The following NFATC2 variants were observed in gnomAD, a reference collection of about 807,000 sequenced individuals.
NFATC2 encodes nuclear factor of activated T-cells, cytoplasmic 2.
Under a neutral mutation model 87.3 loss-of-function variants are expected in NFATC2, and 22 were observed. The observed-to-expected ratio is 0.25, with a 90% CI of 0.18 to 0.36. The LOEUF (loss-of-function observed/expected upper bound fraction) is 0.36. Among genes scored for constraint, NFATC2 ranks in the 10% least tolerant of loss-of-function variants. NFATC2 has a pLI of 1.00. For missense variants in NFATC2, 1,149 were observed against 1,259.1 expected, an observed-to-expected ratio of 0.91 and a Z score of 1.32; for synonymous variants, 565 against 542.2, an observed-to-expected ratio of 1.04 and a Z score of -0.58.
chr20:51,398,966 G>A (rs1354401946), intron 9 of NFATC2: 2 of 463,590 alleles, frequency 4.3e-6, no homozygotes, highest in East Asian at 3.4e-5. Context: ...ATTATGTGGG[G>A]TGTGGGATCA....
chr20:51,536,407 T>A (rs6091335), intron 1 of NFATC2, among the ~76,000 whole-genome samples: 1 of 152,134 alleles, frequency 6.6e-6, no homozygotes, highest in Non-Finnish European at 1.5e-5. Flanking sequence ...TCAGCAAAGT[T>A]ACCTTACCCC....
chr20:51,461,734 G>A (rs899219283), intron 5 of NFATC2, among the ~76,000 whole-genome samples: 4 of 152,220 alleles, frequency 2.6e-5, no homozygotes, highest in East Asian at 3.9e-4. Context: ...CCGTCAAGCC[G>A]GGTGGCCAAG....
chr20:51,407,997 C>CA (rs1212109120), intron 9 of NFATC2, among the ~76,000 whole-genome samples: 3 of 152,168 alleles, frequency 2.0e-5, no homozygotes, highest in Non-Finnish European at 4.4e-5. Context: ...GCCAGCCTTC[C>CA]AACCAAAGTC....
At chr20:51,542,218 C>T (rs2076830429) in intron 1 of NFATC2, 152 bp downstream of exon 1, 2 of 948,006 alleles carry the variant, frequency 2.1e-6, no homozygotes, top group South Asian at 4.4e-5. Flanking sequence ...GGGCCACTGA[C>T]GCCTCCCCTC....
intron 7 of NFATC2, 35 bp downstream of exon 7, chr20:51,435,671 G>A: frequency 6.3e-7 from 1 of 1,595,806 alleles, no homozygotes; most frequent in Admixed American, 1.7e-5. Context: ...AACGTGAGGG[G>A]GATTGAGAGA....
intron 6 of NFATC2, among the ~76,000 whole-genome samples, chr20:51,437,582 C>T (rs1303586238): frequency 1.3e-5 from 2 of 152,094 alleles, no homozygotes; most frequent in Non-Finnish European, 2.9e-5. Context: ...CCCACCTCCC[C>T]CATGAAAAAT....
rs1302330634 is a variant in NFATC2, at chr20:51,391,362, A to C, written c.*134T>G. ...GGGCTGTGGAGGGCTCCGAGGGGTC[A>C]GATACAGAAGGTGTCTTGCTATAAT... On this transcript the variant is annotated 3_prime_UTR_variant, in exon 11 of 11. Coordinates refer to ENST00000371564, the MANE Select transcript of NFATC2 (RefSeq NM_012340.5). 6.3e-7 allele frequency: 1 copy of C among 1,585,326 alleles called. No homozygotes were observed. Among genetic ancestry groups the C allele is most frequent in the East Asian group, 2.3e-5 (1 of 42,996 alleles).
intron 3 of NFATC2, among the ~76,000 whole-genome samples, chr20:51,483,048 G>A (rs1053531516): frequency 1.3e-5 from 2 of 152,126 alleles, no homozygotes; most frequent in African/African-American, 2.4e-5. Context: ...CTCTACATTT[G>A]GCCCCCTGGT....
At chr20:51,434,236 G>A (rs1983226440) in intron 8 of NFATC2, among the ~76,000 whole-genome samples, 1 of 148,270 alleles carries the variant, frequency 6.7e-6, no homozygotes, top group African/African-American at 2.5e-5. Flanking sequence ...GGCTGCCAGG[G>A]CAGTCAAGCT....
chr20:51,406,558 G>A (rs752013873), intron 9 of NFATC2, among the ~76,000 whole-genome samples: 5 of 152,338 alleles, frequency 3.3e-5, no homozygotes, highest in East Asian at 1.9e-4. Flanking sequence ...CCTGGGCTGC[G>A]CAGAGGAATG....
intron 9 of NFATC2, among the ~76,000 whole-genome samples, chr20:51,411,817 C>T (rs890504092): frequency 2.6e-5 from 4 of 152,114 alleles, no homozygotes; most frequent in African/African-American, 9.6e-5. Flanking sequence ...TGTGAGCCAC[C>T]GCGCCTGGCC....
chr20:51,460,985 T>G (rs1361649512), intron 5 of NFATC2, among the ~76,000 whole-genome samples: 1 of 152,206 alleles, frequency 6.6e-6, no homozygotes, highest in Non-Finnish European at 1.5e-5. Flanking sequence ...TCACGCACGT[T>G]TGCTTAAGAG....
intron 3 of NFATC2, among the ~76,000 whole-genome samples, chr20:51,495,948 T>G (rs1229313060): frequency 6.6e-6 from 1 of 152,196 alleles, no homozygotes; most frequent in East Asian, 1.9e-4. Context: ...GTCGGGAGCA[T>G]CTTTTTTATA....
chr20:51,412,547 C>T (rs184753183), intron 9 of NFATC2, among the ~76,000 whole-genome samples: 76 of 152,286 alleles, frequency 5.0e-4, no homozygotes, highest in African/African-American at 1.8e-3. Flanking sequence ...CTGTTTTCCA[C>T]CCCCAGAAAC....
Position 51,432,655 on chromosome 20 carries a change from G to A in NFATC2, c.2134C>T (p.Pro712Ser). 6.5e-7 allele frequency: 1 copy of A among 1,548,936 alleles called. No individual in the cohort carries two copies. ...LGSQPYYPQH[P>S]MVAESPSCLV... ...CAGGAGGGGGACTCGGCCACCATCG[G>A]GTGCTGGGGGTAGTAAGGCTGGCTC... The change falls in exon 9 of 11, where the codon CCG becomes TCG. Residue 712 changes from proline to serine, a missense_variant. Around this residue, in one of 3 missense-constraint regions of NFATC2, gnomAD observed 581 missense variants for 649.7 expected, o/e 0.89. Transcript: ENST00000371564. The surrounding 1 kb of genome is among the most constrained non-coding windows in gnomAD (Gnocchi z 4.6).
chr20:51,468,585 G>A (rs1222935310), intron 5 of NFATC2, among the ~76,000 whole-genome samples: 1 of 152,206 alleles, frequency 6.6e-6, no homozygotes, highest in Non-Finnish European at 1.5e-5. Flanking sequence ...GGCTGGAGAG[G>A]TTCTGTTAAG....
At chr20:51,500,658 TC>T (rs2076065986) in intron 3 of NFATC2, among the ~76,000 whole-genome samples, 1 of 13,336 alleles carries the variant, frequency 7.5e-5, no homozygotes, top group Non-Finnish European at 1.5e-4. Context: ...CACCCCCCCC[TC>T]CACCCCCACC....
At chr20:51,490,172 T>C (rs1199347026) in intron 3 of NFATC2, among the ~76,000 whole-genome samples, 2 of 152,210 alleles carry the variant, frequency 1.3e-5, no homozygotes, top group Admixed American at 6.5e-5. Flanking sequence ...GCTTGCTAAA[T>C]ACAGGGCATT....
intron 3 of NFATC2, among the ~76,000 whole-genome samples, chr20:51,477,969 A>G (rs1988899806): frequency 1.3e-5 from 2 of 152,288 alleles, no homozygotes; most frequent in African/African-American, 4.8e-5. Context: ...GGCAGCCACA[A>G]TGAACAAACA....
Sources: allele counts gnomAD v4.1 joint callset (sites outside exome capture counted in the v4.1 genomes callset), GRCh38; gene constraint gnomAD v4.1.1; regional missense constraint gnomAD v4.1.1; non-coding constraint Gnocchi (gnomAD v3.1); transcripts MANE v1.5; gene names NCBI Gene and HGNC (gene_info 2026-07-23, HGNC 2026-07-21).